BICRAL: variants seen among roughly 807,000 people sequenced by gnomAD.
BICRAL encodes the protein BICRA like chromatin remodeling complex associated protein.
In BICRAL, 8 loss-of-function variants were observed where a neutral mutation model predicts 91.8. The observed-to-expected ratio is 0.09, with a 90% CI of 0.05 to 0.16. The LOEUF is 0.16. Among genes scored for constraint, BICRAL ranks in the 10% least tolerant of loss-of-function variants. The pLI, the probability that BICRAL is intolerant of heterozygous loss-of-function variation, is 1.00. For missense variants in BICRAL, 1,038 were observed against 1,310.9 expected (o/e 0.79, Z 3.21); for synonymous variants, 445 against 491.1 (o/e 0.91, Z 1.24).
intron 6 of BICRAL, among the ~76,000 whole-genome samples, chr6:42,830,599 T>C (rs1764446033): frequency 1.3e-5 from 2 of 152,050 alleles, no homozygotes; most frequent in African/African-American, 4.8e-5. Flanking sequence ...ACTGGTTATC[T>C]TTTTTCTTGA....
intron 6 of BICRAL, among the ~76,000 whole-genome samples, chr6:42,843,988 G>C (rs1764897963): frequency 7.0e-6 from 1 of 143,558 alleles, no homozygotes; most frequent in Non-Finnish European, 1.5e-5. Flanking sequence ...TTTTTTAGTA[G>C]AGACGGGGTT....
chr6:42,838,335 G>T (rs966293756), intron 6 of BICRAL, among the ~76,000 whole-genome samples: 1 of 152,186 alleles, frequency 6.6e-6, no homozygotes, highest in Non-Finnish European at 1.5e-5. Flanking sequence ...GACTGGACTT[G>T]TCTGACTGGA....
intron 2 of BICRAL, 130 bp downstream of exon 2, chr6:42,810,531 A>G (rs1763820514): frequency 6.6e-6 from 1 of 152,242 alleles, no homozygotes; most frequent in Non-Finnish European, 1.5e-5. Context: ...AGTAAAAAGA[A>G]TAAGATGAGA....
rs1407530263 is a variant in BICRAL, at chr6:42,797,736, C to T, written c.-101-12570C>T. Among the ~76,000 whole-genome samples, 6 of 152,084 alleles carry T rather than the reference C, an allele frequency of 3.9e-5. No individual in the cohort carries two copies. The South Asian group carries it at 6.2e-4, about 16-fold the overall frequency. ...TACCTGTAATCCCAGTACTTTGGGACGCCAAAGCAGGTGGATCACCTGAGG... is the reference window on the plus strand; with the variant it reads ...TACCTGTAATCCCAGTACTTTGGGATGCCAAAGCAGGTGGATCACCTGAGG... On this transcript the variant is annotated intron_variant, in intron 1 of 12. Transcript: ENST00000314073.
chr6:42,791,694 G>A (rs1763278008), intron 1 of BICRAL, among the ~76,000 whole-genome samples: 1 of 152,112 alleles, frequency 6.6e-6, no homozygotes, highest in Admixed American at 6.5e-5. Flanking sequence ...AAACTCCTGG[G>A]CTCAAGCGGT....
intron 1 of BICRAL, among the ~76,000 whole-genome samples, chr6:42,765,959 C>T (rs1211073727): frequency 4.6e-5 from 7 of 152,002 alleles, no homozygotes; most frequent in African/African-American, 1.7e-4. Flanking sequence ...CTACTAATTC[C>T]AGTGCTTTTT....
intron 1 of BICRAL, among the ~76,000 whole-genome samples, chr6:42,771,492 C>T (rs1008125490): frequency 0.013 from 295 of 22,352 alleles, no homozygotes; most frequent in Non-Finnish European, 0.019. Flanking sequence ...GTGGGGGTGG[C>T]GGGGGGTGGT....
At chr6:42,802,900 C>T (rs1441958960) in intron 1 of BICRAL, among the ~76,000 whole-genome samples, 2 of 152,114 alleles carry the variant, frequency 1.3e-5, no homozygotes, top group African/African-American at 4.8e-5. Flanking sequence ...TCAATCATTT[C>T]CTGTGTATGG....
chr6:42,835,660 C>T (rs553126884), intron 6 of BICRAL, among the ~76,000 whole-genome samples: 3 of 152,218 alleles, frequency 2.0e-5, no homozygotes, highest in South Asian at 2.1e-4. Context: ...GGGCTGGTTG[C>T]GGTGTCTCAT....
At chr6:42,816,482 A>G (rs1037473775) in intron 2 of BICRAL, among the ~76,000 whole-genome samples, 8 of 151,946 alleles carry the variant, frequency 5.3e-5, no homozygotes, top group Non-Finnish European at 7.4e-5. Context: ...GCTGGAGTGC[A>G]GTGGCACGAT....
chr6:42,820,267 A>G (rs573055634), intron 2 of BICRAL, among the ~76,000 whole-genome samples: 1 of 152,266 alleles, frequency 6.6e-6, no homozygotes, highest in East Asian at 1.9e-4. Context: ...TTACATTTTT[A>G]TTAATTAGTT....
chr6:42,791,578 T>C (rs191195318), intron 1 of BICRAL, among the ~76,000 whole-genome samples: 4 of 152,146 alleles, frequency 2.6e-5, no homozygotes, highest in Admixed American at 6.5e-5. Context: ...AGAAATAATA[T>C]TTGTTAAACC....
chr6:42,851,428 C>T (rs1188627262), intron 6 of BICRAL, among the ~76,000 whole-genome samples: 1 of 151,960 alleles, frequency 6.6e-6, no homozygotes, highest in African/African-American at 2.4e-5. Context: ...GAACTTAGTT[C>T]TTAAACATTA....
At chr6:42,842,024 C>T (rs1052943842) in intron 6 of BICRAL, among the ~76,000 whole-genome samples, 12 of 152,132 alleles carry the variant, frequency 7.9e-5, no homozygotes, top group African/African-American at 1.7e-4. Context: ...ACTCTGCCAG[C>T]GAGTGGTTTC....
intron 1 of BICRAL, among the ~76,000 whole-genome samples, chr6:42,804,009 TTGTTG>T (rs1227742292): frequency 3.3e-5 from 5 of 152,166 alleles, no homozygotes; most frequent in Non-Finnish European, 5.9e-5. Context: ...TTTGTTATTG[TTGTTG>T]TGTTTGTTTG....
At chr6:42,781,623 G>GTGTGT (rs1762911847), upstream of BICRAL, among the ~76,000 whole-genome samples, 3 of 148,848 alleles carry the variant, frequency 2.0e-5, no homozygotes, top group African/African-American at 7.4e-5. Context: ...GTGTGTGTGT[G>GTGTGT]GAGAGAGAGC....
At chr6:42,838,199 C>T (rs1764694718) in intron 6 of BICRAL, among the ~76,000 whole-genome samples, 1 of 152,246 alleles carries the variant, frequency 6.6e-6, no homozygotes, top group South Asian at 2.1e-4. Flanking sequence ...TCCATTTGGC[C>T]TAATAACGCC....
chr6:42,769,456 T>G (rs967216428), intron 1 of BICRAL, among the ~76,000 whole-genome samples: 7 of 152,210 alleles, frequency 4.6e-5, no homozygotes, highest in African/African-American at 1.7e-4. Context: ...GGAGGGAGGA[T>G]GCACAAAGGT....
intron 12 of BICRAL, among the ~76,000 whole-genome samples, 190 bp from the exon 13 acceptor site, chr6:42,864,469 C>A (rs1472882374): frequency 4.6e-5 from 7 of 152,218 alleles, no homozygotes; most frequent in Non-Finnish European, 1.0e-4. Context: ...TGGGGCTCCA[C>A]AGCCTTGGCT....
Sources: gnomAD v4.1 joint callset for allele counts (sites outside exome capture counted in the v4.1 genomes callset) on GRCh38, gnomAD v4.1.1 for gene constraint, MANE v1.5 for transcripts, NCBI Gene and HGNC (gene_info 2026-07-23, HGNC 2026-07-21) for gene names.